The following DISC1 variants were observed in gnomAD, a reference collection of about 807,000 sequenced individuals.
DISC1 encodes disrupted in schizophrenia 1 protein.
Under a neutral mutation model 84.5 loss-of-function variants are expected in DISC1, and 57 were observed. The ratio of observed to expected loss-of-function variants is 0.67; its 90% CI spans 0.55 to 0.84. The LOEUF is 0.84. Ranked by LOEUF, DISC1 falls within the 40% of genes least tolerant of loss-of-function variation. DISC1 has a pLI of 0.00. For missense variants in DISC1, 1,000 were observed against 1,057.8 expected (o/e 0.95, Z 0.76); for synonymous variants, 411 against 415.2 (o/e 0.99, Z 0.12).
intron 9 of DISC1, among the ~76,000 whole-genome samples, chr1:231,827,511 G>T (rs1387012267): frequency 6.6e-6 from 1 of 152,128 alleles, no homozygotes; most frequent in East Asian, 1.9e-4. Context: ...ACACATTCCT[G>T]CCATTTTAGC....
At chr1:231,761,408 G>A (rs1406916459) in intron 4 of DISC1, among the ~76,000 whole-genome samples, 1 of 152,178 alleles carries the variant, frequency 6.6e-6, no homozygotes, top group African/African-American at 2.4e-5. Context: ...AGATTTGAAA[G>A]ACGGAAGCCT....
chr1:231,936,308 G>A (rs1348980721), intron 9 of DISC1, among the ~76,000 whole-genome samples: 1 of 151,992 alleles, frequency 6.6e-6, no homozygotes, highest in Admixed American at 6.6e-5. Flanking sequence ...CCAGCATCCA[G>A]CCAATACCTA....
At chr1:231,765,512 G>C (rs139614223) in intron 4 of DISC1, among the ~76,000 whole-genome samples, 1 of 151,928 alleles carries the variant, frequency 6.6e-6, no homozygotes, top group Non-Finnish European at 1.5e-5. Flanking sequence ...CCCACTTGTC[G>C]TTCGCCTATT....
At chr1:231,687,301 T>C (rs1301513051) in intron 1 of DISC1, among the ~76,000 whole-genome samples, 1 of 152,208 alleles carries the variant, frequency 6.6e-6, no homozygotes, top group Non-Finnish European at 1.5e-5. Flanking sequence ...AGAGGTTTAA[T>C]TGGACTTACA....
intron 9 of DISC1, among the ~76,000 whole-genome samples, chr1:231,842,728 G>A (rs1341733661): frequency 6.6e-6 from 1 of 152,158 alleles, no homozygotes; most frequent in Non-Finnish European, 1.5e-5. Context: ...TCACTTCTGT[G>A]AGCCTCACTT....
intron 10 of DISC1, among the ~76,000 whole-genome samples, chr1:232,001,749 G>T (rs149563420): frequency 2.6e-5 from 4 of 151,996 alleles, no homozygotes; most frequent in South Asian, 2.1e-4. Flanking sequence ...AATGGATCAA[G>T]GACCTAATTG....
intron 4 of DISC1, among the ~76,000 whole-genome samples, chr1:231,764,556 G>A (rs1001147461): frequency 6.6e-6 from 1 of 152,150 alleles, no homozygotes; most frequent in African/African-American, 2.4e-5. Context: ...GCAATAAATA[G>A]TGAACATTTT....
intron 6 of DISC1, among the ~76,000 whole-genome samples, chr1:231,775,323 C>T (rs1286426204): frequency 2.6e-5 from 4 of 152,222 alleles, no homozygotes; most frequent in African/African-American, 4.8e-5. Context: ...CTGGTGGAGA[C>T]TTACGTGCTT....
In DISC1 at chr1:231,675,724, T is replaced by C. The variant is rs763088214; in HGVS notation, c.68-18102T>C. Among the ~76,000 whole-genome samples the C allele has an allele frequency of 6.6e-6, 1 of 152,210 alleles. No individual in the cohort carries two copies. Among genetic ancestry groups the C allele is most frequent in the Non-Finnish European group, 1.5e-5 (1 of 68,036 alleles). On this transcript the variant is annotated intron_variant, in intron 1 of 12. Transcript: ENST00000439617. The surrounding 1 kb of genome is among the most constrained non-coding windows in gnomAD (Gnocchi z 4.1). ...GAGGGCTTTCTCTGTCTTTGTCTTCTCTTGTCTTCGAGGTCCTTCTTACTC... is the reference window on the plus strand; with the variant it reads ...GAGGGCTTTCTCTGTCTTTGTCTTCCCTTGTCTTCGAGGTCCTTCTTACTC...
chr1:231,841,624 A>C (rs1163678506), intron 9 of DISC1, among the ~76,000 whole-genome samples: 1 of 152,216 alleles, frequency 6.6e-6, no homozygotes, highest in Non-Finnish European at 1.5e-5. Flanking sequence ...CTGTTGGCTA[A>C]GTTAAATTTG....
intron 8 of DISC1, among the ~76,000 whole-genome samples, chr1:231,806,352 C>G (rs2079708339): frequency 6.6e-6 from 1 of 152,200 alleles, no homozygotes; most frequent in South Asian, 2.1e-4. Flanking sequence ...GGCCTCAGTG[C>G]CTGTGCAGTC....
chr1:231,713,779 G>GATATATATATAGGAGAT (rs1361762918), intron 3 of DISC1, among the ~76,000 whole-genome samples: 23 of 103,942 alleles, frequency 2.2e-4, no homozygotes, highest in East Asian at 1.2e-3. Context: ...ATATATAGGA[G>GATATATATATAGGAGAT]ATATATATAT....
intron 9 of DISC1, among the ~76,000 whole-genome samples, chr1:231,831,314 C>T (rs2082208029): frequency 6.6e-6 from 1 of 152,158 alleles, no homozygotes; most frequent in Non-Finnish European, 1.5e-5. Flanking sequence ...ATGAGAGATT[C>T]TAAGAGACAG....
At chr1:231,719,849 AC>A (rs2069374601) in intron 3 of DISC1, among the ~76,000 whole-genome samples, 1 of 152,194 alleles carries the variant, frequency 6.6e-6, no homozygotes, top group South Asian at 2.1e-4. Flanking sequence ...CAGCAGAAGG[AC>A]TTTTTCATAT....
chr1:231,917,103 C>T (rs1238001128), intron 9 of DISC1, among the ~76,000 whole-genome samples: 1 of 152,144 alleles, frequency 6.6e-6, no homozygotes, highest in East Asian at 1.9e-4. Flanking sequence ...TGTTAAAATA[C>T]AGATACCTTG....
At chr1:232,028,982 A>C (rs1365095960) in intron 12 of DISC1, among the ~76,000 whole-genome samples, 1 of 152,222 alleles carries the variant, frequency 6.6e-6, no homozygotes, top group Non-Finnish European at 1.5e-5. Context: ...TCTGATGAGT[A>C]GCAGAACTTT....
intron 1 of DISC1, among the ~76,000 whole-genome samples, chr1:231,628,478 G>A (rs911222683): frequency 6.6e-6 from 1 of 152,194 alleles, no homozygotes; most frequent in Non-Finnish European, 1.5e-5. Flanking sequence ...AACTTACAAT[G>A]TGCCAGACAT....
At chr1:231,692,211 T>A (rs758575439) in intron 1 of DISC1, among the ~76,000 whole-genome samples, 1 of 152,210 alleles carries the variant, frequency 6.6e-6, no homozygotes, top group Non-Finnish European at 1.5e-5. Flanking sequence ...TAGTGTTAAA[T>A]GCCTCCCTTC....
chr1:231,690,410 C>T lies in DISC1; in HGVS notation c.68-3416C>T, dbSNP rs188220576. On this transcript the variant is annotated intron_variant, in intron 1 of 12. Coordinates refer to ENST00000439617, the MANE Select transcript of DISC1 (RefSeq NM_018662.3). ...TGGGTTTCACAGAGCACAGAGGGCA[C>T]GGCTTGTTTCCTAACCGGGTCTCAA... 1.9e-3 allele frequency among the ~76,000 whole-genome samples: 283 copies of T among 152,284 alleles called. 3 individuals are homozygous for T. The highest frequency in any genetic ancestry group is 3.7e-4 in the Non-Finnish European group (25 of 68,030).
Sources: gnomAD v4.1 joint callset for allele counts (sites outside exome capture counted in the v4.1 genomes callset) on GRCh38, gnomAD v4.1.1 for gene constraint, Gnocchi (gnomAD v3.1) non-coding constraint, MANE v1.5 for transcripts, NCBI Gene and HGNC (gene_info 2026-07-23, HGNC 2026-07-21) for gene names.